EVC2: variants seen among roughly 807,000 people sequenced by gnomAD.
The protein encoded by EVC2 is EvC ciliary complex subunit 2.
A neutral mutation model predicts 149.3 loss-of-function variants in EVC2; 148 were observed. The ratio of observed to expected loss-of-function variants is 0.99; its 90% CI spans 0.87 to 1.14. The LOEUF is 1.14. EVC2 is among the 50% of genes most tolerant of loss of function. EVC2 has a pLI of 0.00. For missense variants in EVC2, 1,854 were observed against 1,627.3 expected, an observed-to-expected ratio of 1.14 and a Z score of -2.40; for synonymous variants, 776 against 649.9, an observed-to-expected ratio of 1.19 and a Z score of -2.95.
intron 10 of EVC2, among the ~76,000 whole-genome samples, chr4:5,632,528 C>T (rs1361620387): frequency 1.3e-5 from 2 of 152,098 alleles, no homozygotes; most frequent in Non-Finnish European, 2.9e-5. Context: ...AGAAAATAGC[C>T]TGCAAAAAAT....
downstream of EVC2, among the ~76,000 whole-genome samples, chr4:5,538,251 C>CTT (rs750630487): frequency 3.9e-5 from 6 of 151,966 alleles, no homozygotes; most frequent in African/African-American, 7.2e-5. Flanking sequence ...GAATAAATTC[C>CTT]TTAAAGTACA....
At chr4:5,632,569 T>A (rs1306842144) in intron 10 of EVC2, among the ~76,000 whole-genome samples, 1 of 152,244 alleles carries the variant, frequency 6.6e-6, no homozygotes, top group Non-Finnish European at 1.5e-5. Flanking sequence ...TGGGTCATGC[T>A]GTCAGGCTCA....
intron 16 of EVC2, among the ~76,000 whole-genome samples, chr4:5,608,544 A>G (rs1176403462): frequency 6.6e-6 from 1 of 151,976 alleles, no homozygotes; most frequent in Non-Finnish European, 1.5e-5. Flanking sequence ...TTATTATTTT[A>G]TTTTAATGAG....
chr4:5,562,808 C>G lies in EVC2; in HGVS notation c.*40G>C, dbSNP rs1174541548. Reference sequence around the variant, plus strand: ...CACCGGCGGGCAGGAGAAAATCATCCCTTCTCTCTTCAGATGCTCCCGCAG... The same window carrying G: ...CACCGGCGGGCAGGAGAAAATCATCGCTTCTCTCTTCAGATGCTCCCGCAG... On this transcript the variant is annotated 3_prime_UTR_variant, in exon 22 of 22. Coordinates refer to ENST00000344408, the MANE Select transcript of EVC2 (RefSeq NM_147127.5). This position sits in a 1 kb window ranked among gnomAD's most constrained non-coding sequence, Gnocchi z 4.3. 6.2e-7 allele frequency: 1 copy of G among 1,611,594 alleles called. No individual in the cohort carries two copies. The highest frequency in any genetic ancestry group is 1.1e-5 in the South Asian group (1 of 90,946).
downstream of EVC2, among the ~76,000 whole-genome samples, chr4:5,559,907 G>A (rs1444633880): frequency 6.6e-6 from 1 of 152,030 alleles, no homozygotes; most frequent in African/African-American, 2.4e-5. This position sits in a 1 kb window ranked among gnomAD's most constrained non-coding sequence, Gnocchi z 5.0. Flanking sequence ...AATGTGTGCT[G>A]CTCATAGTGA....
intron 6 of EVC2, among the ~76,000 whole-genome samples, chr4:5,683,713 C>G (rs565071558): frequency 6.6e-6 from 1 of 152,128 alleles, no homozygotes; most frequent in Non-Finnish European, 1.5e-5. Context: ...CCTCCCAGAG[C>G]ATGCAGGGAG....
chr4:5,625,395 G>A lies in EVC2; in HGVS notation c.2046+354C>T, dbSNP rs551567527. ...TAGGGTTAATATACAGATTAAACAA[G>A]ATATCTTATATAACACACTTAGCAC... On this transcript the variant is annotated intron_variant, in intron 13 of 21. Coordinates refer to ENST00000344408, the MANE Select transcript of EVC2 (RefSeq NM_147127.5). The surrounding 1 kb of genome is among the most constrained non-coding windows in gnomAD (Gnocchi z 4.0). Among the ~76,000 whole-genome samples, 1 of 151,240 alleles carries A rather than the reference G, an allele frequency of 6.6e-6. No homozygotes were observed. The highest frequency in any genetic ancestry group is 6.6e-5 in the Admixed American group (1 of 15,210).
intron 7 of EVC2, among the ~76,000 whole-genome samples, chr4:5,678,537 A>T (rs73067727): frequency 1.3e-5 from 2 of 152,124 alleles, no homozygotes; most frequent in African/African-American, 4.8e-5. Flanking sequence ...CAAGGAAGAG[A>T]TGTTCCTAGA....
chr4:5,697,474 C>T, intron 2 of EVC2, 119 bp downstream of exon 2: 1 of 1,030,020 alleles, frequency 9.7e-7, no homozygotes, highest in Non-Finnish European at 1.5e-6. Context: ...TCTACTTGCC[C>T]AAAGTAGAGA....
intron 21 of EVC2, among the ~76,000 whole-genome samples, chr4:5,545,683 G>A (rs1050071815): frequency 8.5e-5 from 13 of 152,106 alleles, no homozygotes; most frequent in Admixed American, 1.3e-4. Context: ...AATTTAAAAT[G>A]ACCTTTCTTA....
chr4:5,666,242 G>T, intron 7 of EVC2, among the ~76,000 whole-genome samples: 1 of 138,776 alleles, frequency 7.2e-6, no homozygotes, highest in Admixed American at 7.4e-5. Context: ...ATTTTGTTCT[G>T]CAACCAGAAT....
intron 6 of EVC2, among the ~76,000 whole-genome samples, chr4:5,682,585 G>A (rs984517729): frequency 3.3e-5 from 5 of 151,696 alleles, no homozygotes; most frequent in South Asian, 2.1e-4. Flanking sequence ...CTGGCTGGGC[G>A]CTGTGGCTCA....
chr4:5,543,973 C>A (rs533344979), intron 21 of EVC2, among the ~76,000 whole-genome samples: 10 of 152,246 alleles, frequency 6.6e-5, no homozygotes, highest in African/African-American at 2.2e-4. Flanking sequence ...AGTGTGGGCA[C>A]CCTCGTGACC....
At position 5,549,002 on chromosome 4, in the gene EVC2, C is replaced by G. The variant is rs555424354; in HGVS notation, c.3420-5790G>C. Among the ~76,000 whole-genome samples, 414 of 141,198 alleles carry G rather than the reference C, an allele frequency of 2.9e-3. 3 individuals are homozygous for G. The highest frequency in any genetic ancestry group is 0.01 in the African/African-American group (404 of 40,106). 92.6% of individuals were successfully genotyped at this position (141,198 alleles called of 152,430 possible). On this transcript the variant is annotated intron_variant and NMD_transcript_variant, in intron 21 of 22. Transcript: ENST00000475313. The stretch of plus-strand genomic sequence containing the variant: ...CTTTCTTTCTTCCGTCCCTCCCTCC[C>G]TCCCTCCCTGAATAGACAGTGATTG...
intron 7 of EVC2, among the ~76,000 whole-genome samples, chr4:5,671,802 G>C (rs541192340): frequency 2.0e-5 from 3 of 152,204 alleles, no homozygotes; most frequent in Admixed American, 2.0e-4. Context: ...CAGCCACTGC[G>C]CCTGGCCTCA....
chr4:5,705,741 T>C (rs1322283754), intron 1 of EVC2, among the ~76,000 whole-genome samples: 2 of 151,896 alleles, frequency 1.3e-5, no homozygotes, highest in Admixed American at 6.6e-5. Flanking sequence ...CATCGCACAA[T>C]TGTGAGAAAA....
At position 5,677,229 on chromosome 4, in the gene EVC2, G is replaced by A. The variant is rs926500515; in HGVS notation, c.870+4031C>T. Reference sequence around the variant, plus strand: ...ACGTTGTTATTACTCTCATTTCACAGTTGGGGAAACTGAGGCCCTCAGAGG... The same window carrying A: ...ACGTTGTTATTACTCTCATTTCACAATTGGGGAAACTGAGGCCCTCAGAGG... On this transcript the variant is annotated intron_variant, in intron 7 of 21. Transcript: ENST00000344408. The surrounding 1 kb of genome is among the most constrained non-coding windows in gnomAD (Gnocchi z 4.3). Among the ~76,000 whole-genome samples, 3 of 152,172 alleles carry A rather than the reference G, an allele frequency of 2.0e-5. No individual in the cohort carries two copies. The highest frequency in any genetic ancestry group is 7.2e-5 in the African/African-American group (3 of 41,442).
chr4:5,579,862 G>A (rs962019105), intron 17 of EVC2, among the ~76,000 whole-genome samples: 4 of 152,084 alleles, frequency 2.6e-5, no homozygotes, highest in African/African-American at 9.7e-5. Context: ...AGAAGAAGAG[G>A]AAGATGCCAG....
intron 4 of EVC2, among the ~76,000 whole-genome samples, chr4:5,690,506 GAC>G: frequency 6.6e-6 from 1 of 151,178 alleles, no homozygotes; most frequent in African/African-American, 2.4e-5. Flanking sequence ...GTACTGAAAT[GAC>G]CTCTGGAGGG....
Sources: gnomAD v4.1 joint callset for allele counts (sites outside exome capture counted in the v4.1 genomes callset) on GRCh38, gnomAD v4.1.1 for gene constraint, Gnocchi (gnomAD v3.1) non-coding constraint, MANE v1.5 for transcripts, NCBI Gene and HGNC (gene_info 2026-07-23, HGNC 2026-07-21) for gene names.